The following SARM1 variants were observed in gnomAD, a reference collection of about 807,000 sequenced individuals.
SARM1 encodes the protein sterile alpha and TIR motif containing 1, also known as NAD(+) hydrolase SARM1.
A neutral mutation model predicts 65.1 loss-of-function variants in SARM1; 60 were observed. The ratio of observed to expected loss-of-function variants is 0.92; its 90% CI spans 0.75 to 1.14. The LOEUF (loss-of-function observed/expected upper bound fraction) is 1.14. SARM1 is among the 50% of genes most tolerant of loss of function. The probability of loss-of-function intolerance (pLI) is 0.00; values close to 1 mark genes in which losing one functional copy is unlikely to be tolerated. For missense variants in SARM1, 913 were observed against 1,015.7 expected (o/e 0.90, Z 1.37); for synonymous variants, 417 against 465.4 (o/e 0.90, Z 1.34).
chr17:28,387,272 G>A (rs1157058949), intron 5 of SARM1, among the ~76,000 whole-genome samples: 3 of 147,700 alleles, frequency 2.0e-5, no homozygotes, highest in East Asian at 2.0e-4. Flanking sequence ...TCACTCTGTC[G>A]CCCAGGCTAG....
At position 28,384,993 on chromosome 17, in the gene SARM1, G is replaced by A. The variant is rs1555585780; in HGVS notation, c.1395-47G>A. On this transcript the variant is annotated intron_variant, in intron 4 of 8. Coordinates refer to ENST00000585482, the MANE Select transcript of SARM1 (RefSeq NM_015077.4). The surrounding 1 kb of genome is among the most constrained non-coding windows in gnomAD (Gnocchi z 4.4). ...TAAATAAGCTCCCCCTCCGCCCACA[G>A]CCCGTCCGAGTCTGGACCTCAGCGT... 1.9e-6 allele frequency: 3 copies of A among 1,606,642 alleles called. No homozygotes were observed. Among genetic ancestry groups the A allele is most frequent in the Non-Finnish European group, 2.6e-6 (3 of 1,175,762 alleles).
In SARM1 at chr17:28,388,486, G is replaced by T. The variant is rs141324431; in HGVS notation, c.1870G>T (p.Gly624Ter). The T allele has an allele frequency of 7.6e-5, 122 of 1,613,962 alleles. 1 individual carries two copies. The highest frequency in any genetic ancestry group is 9.6e-5 in the Non-Finnish European group (113 of 1,179,896). ...ARNFVLVLSP[G>*]ALDKCMQDHD... ...CAACTTTGTGTTGGTGCTATCACCT[G>T]GAGCACTGGACAAGTGCATGCAAGA... Residue 624 changes from glycine to a stop codon, truncating the protein, a stop_gained, in exon 7 of 9, where the codon GGA (glycine) becomes TGA (stop). Transcript: ENST00000585482. LOFTEE classifies it high-confidence loss of function.
chr17:28,396,017 A>C lies in SARM1; in HGVS notation c.2036A>C (p.Asn679Thr). Residue 679 changes from asparagine (N) to threonine (T), a missense_variant, in exon 8 of 9, where the codon AAC becomes ACC. Around this residue, in one of 3 missense-constraint regions of SARM1, gnomAD observed 862 missense variants for 952.1 expected, o/e 0.91. Transcript: ENST00000585482. ...PEDMQAVLTF[N>T]GIKWSHEYQE... ...GACATGCAGGCTGTGCTTACTTTCA[A>C]CGGTATCAAGTGAGCCCCAGGGCCC... 3.1e-6 allele frequency: 5 copies of C among 1,613,726 alleles called. No homozygotes were observed. Among genetic ancestry groups the C allele is most frequent in the Non-Finnish European group, 4.2e-6 (5 of 1,179,796 alleles).
rs1555589111 is a variant in SARM1, at chr17:28,399,721, A to G, written c.*3435A>G. On this transcript the variant is annotated 3_prime_UTR_variant, in exon 9 of 9. Coordinates refer to ENST00000585482, the MANE Select transcript of SARM1 (RefSeq NM_015077.4). ...TCAGCCTTTTCCAGCATCCTGTGAGAGACCAGAGAGAGAGTTTGGATTTCA... is the reference window on the plus strand; with the variant it reads ...TCAGCCTTTTCCAGCATCCTGTGAGGGACCAGAGAGAGAGTTTGGATTTCA... The G allele has an allele frequency of 6.2e-7, 1 of 1,613,846 alleles. No homozygotes were observed. The highest frequency in any genetic ancestry group is 1.1e-5 in the South Asian group (1 of 91,062).
intron 5 of SARM1, 200 bp from the exon 6 acceptor site, chr17:28,387,974 C>T: frequency 1.7e-6 from 1 of 602,652 alleles, no homozygotes; most frequent in South Asian, 1.9e-5. Context: ...GAACACAGTG[C>T]CTGCCTCCTA....
chr17:28,402,189 G>A lies in SARM1; in HGVS notation c.*5903G>A, dbSNP rs2068203830. The stretch of plus-strand genomic sequence containing the variant: ...CATGGCTGCCCATCAGCCCGTTTCG[G>A]GCAGCACTGGACATGAGGAACCAGA... On this transcript the variant is annotated 3_prime_UTR_variant, in exon 9 of 9. Transcript: ENST00000585482. The A allele has an allele frequency of 2.6e-6, 4 of 1,534,260 alleles. No homozygotes were observed. Among genetic ancestry groups the A allele is most frequent in the Non-Finnish European group, 3.6e-6 (4 of 1,121,842 alleles).
intron 1 of SARM1, among the ~76,000 whole-genome samples, chr17:28,380,437 A>G (rs1358723950): frequency 6.6e-6 from 1 of 152,108 alleles, no homozygotes; most frequent in African/African-American, 2.4e-5. Context: ...ACACGCCATT[A>G]CATCATCCTG....
chr17:28,382,799 G>A (rs1229381293), intron 2 of SARM1, among the ~76,000 whole-genome samples: 9 of 151,824 alleles, frequency 5.9e-5, no homozygotes, highest in African/African-American at 2.2e-4. Flanking sequence ...GATCCTCTCT[G>A]CCTCAGCCTC....
intron 2 of SARM1, among the ~76,000 whole-genome samples, chr17:28,382,725 T>C (rs186887514): frequency 1.1e-4 from 17 of 152,348 alleles, no homozygotes; most frequent in Non-Finnish European, 2.2e-4. Flanking sequence ...TTGTGGATTG[T>C]ACTTTTTGGA....
In SARM1 at chr17:28,400,605, A is replaced by G. The variant is rs370083652; in HGVS notation, c.*4319A>G. The G allele has an allele frequency of 2.7e-5, 43 of 1,613,526 alleles. No individual in the cohort carries two copies. Among genetic ancestry groups the G allele is most frequent in the Non-Finnish European group, 3.5e-5 (41 of 1,179,736 alleles). ...TATGAGCATGGGTTCAGGGCCCTGC[A>G]TTACCCAATCAGAACAGCCGGGATG... On this transcript the variant is annotated 3_prime_UTR_variant, in exon 9 of 9. Coordinates refer to ENST00000585482, the MANE Select transcript of SARM1 (RefSeq NM_015077.4).
chr17:28,400,326 T>C lies in SARM1; in HGVS notation c.*4040T>C. 9.3e-6 allele frequency: 4 copies of C among 428,108 alleles called. No individual in the cohort carries two copies. In the South Asian group the frequency reaches 9.8e-5, roughly 10 times the overall value. 26.5% of individuals were successfully genotyped at this position (428,108 alleles called of 1,614,324 possible). A position where few individuals can be genotyped will look rare whatever the true frequency, so the allele number is the denominator to read the frequency against. ...AGTTCTGCTGCCATAGTTCCATCTATAAAATGGGAATGGAGGGAAATAGGG... is the reference window on the plus strand; with the variant it reads ...AGTTCTGCTGCCATAGTTCCATCTACAAAATGGGAATGGAGGGAAATAGGG... On this transcript the variant is annotated 3_prime_UTR_variant, in exon 9 of 9. Transcript: ENST00000585482.
At position 28,372,628 on chromosome 17, in the gene SARM1, T is replaced by G; in HGVS notation, c.470+126T>G. The G allele has an allele frequency of 1.5e-6, 1 of 677,612 alleles. No homozygotes were observed. Among genetic ancestry groups the G allele is most frequent in the Non-Finnish European group, 2.4e-6 (1 of 424,254 alleles). 42.0% of individuals were successfully genotyped at this position (677,612 alleles called of 1,614,324 possible). On this transcript the variant is annotated intron_variant, in intron 1 of 8. Transcript: ENST00000585482. The surrounding 1 kb of genome is among the most constrained non-coding windows in gnomAD (Gnocchi z 5.2). Reference sequence around the variant, plus strand: ...TCTCTGACTGCCTGCACTACATCTCTGTTAGGGGTCAGCCTGTCTGTTTCA... The same window carrying G: ...TCTCTGACTGCCTGCACTACATCTCGGTTAGGGGTCAGCCTGTCTGTTTCA...
rs375690432 is a variant in SARM1 at position 28,381,741 on chromosome 17, A to G, written c.1009A>G (p.Asn337Asp). The stretch of plus-strand genomic sequence containing the variant: ...GCGCCTCGTGCCGTTGCTCGACTCT[A>G]ACCGCTTGGAGGCGCAGTGCATCGG... ...LQRLVPLLDSNRLEAQCIGAF... is the reference protein window; with the variant it reads ...LQRLVPLLDSDRLEAQCIGAF... The change falls in exon 2 of 9, where the codon AAC (asparagine) becomes GAC (aspartate). Residue 337 changes from asparagine to aspartate, a missense_variant. Asn to Asp is a conservative substitution (Grantham distance 23). Coordinates refer to ENST00000585482, the MANE Select transcript of SARM1 (RefSeq NM_015077.4). The G allele has an allele frequency of 2.5e-4, 388 of 1,523,534 alleles. 1 individual carries two copies. Among genetic ancestry groups the G allele is most frequent in the Non-Finnish European group, 3.2e-4 (363 of 1,136,130 alleles). 94.4% of individuals were successfully genotyped at this position (1,523,534 alleles called of 1,614,324 possible).
At chr17:28,389,864 C>T (rs1254210664) in intron 7 of SARM1, among the ~76,000 whole-genome samples, 9 of 152,114 alleles carry the variant, frequency 5.9e-5, no homozygotes, top group Admixed American at 1.3e-4. Flanking sequence ...AGAGTGGGAC[C>T]CTGTCTCAAA....
rs1419335721 is a variant in SARM1 at position 28,385,133 on chromosome 17, G to A, written c.1488G>A (p.Pro496=). The A allele has an allele frequency of 1.9e-6, 3 of 1,613,454 alleles. No individual in the cohort carries two copies. The highest frequency in any genetic ancestry group is 2.2e-5 in the East Asian group (1 of 44,876). ...NLADWLGSLD[P]RFRQYTYGLV... ...CGGACTGGCTGGGCAGCCTGGACCCGCGCTTCCGCCAGTACACCTACGGCC... is the reference window on the plus strand; with the variant it reads ...CGGACTGGCTGGGCAGCCTGGACCCACGCTTCCGCCAGTACACCTACGGCC... The change falls in exon 5 of 9, where the codon CCG becomes CCA. Residue 496 remains proline (P), a synonymous_variant. Coordinates refer to ENST00000585482, the MANE Select transcript of SARM1 (RefSeq NM_015077.4). This position sits in a 1 kb window ranked among gnomAD's most constrained non-coding sequence, Gnocchi z 4.5.
chr17:28,396,971 C>T lies in SARM1; in HGVS notation c.*685C>T, dbSNP rs1331794138. 3 of 152,442 alleles carry T rather than the reference C, an allele frequency of 2.0e-5. No individual in the cohort carries two copies. Among genetic ancestry groups the T allele is most frequent in the African/African-American group, 7.2e-5 (3 of 41,462 alleles). The allele number at this position is 152,442 out of a possible 1,614,324, so 9.4% of individuals were successfully genotyped here. A position where few individuals can be genotyped will look rare whatever the true frequency, so the allele number is the denominator to read the frequency against. On this transcript the variant is annotated 3_prime_UTR_variant, in exon 9 of 9. Transcript: ENST00000585482. ...CTTGTCACTGCAGCCAGCTTTGCTG[C>T]ACTTGCTGGTGCACAGGAGCCTCCT...
rs2068200770 is a variant in SARM1 at position 28,401,900 on chromosome 17, G to C, written c.*5614G>C. ...GTTCACTTCTGGGCTTGTACACGCT[G>C]ACCCCAGAGAAACAGGGAACTCTGG... On this transcript the variant is annotated 3_prime_UTR_variant, in exon 9 of 9. Coordinates refer to ENST00000585482, the MANE Select transcript of SARM1 (RefSeq NM_015077.4). 1 of 190,568 alleles carries C rather than the reference G, an allele frequency of 5.2e-6. No individual in the cohort carries two copies. Among genetic ancestry groups the C allele is most frequent in the African/African-American group, 2.3e-5 (1 of 42,834 alleles). 11.8% of individuals were successfully genotyped at this position (190,568 alleles called of 1,614,324 possible). A position where few individuals can be genotyped will look rare whatever the true frequency, so the allele number is the denominator to read the frequency against.
At position 28,402,418 on chromosome 17, in the gene SARM1, T is replaced by G; in HGVS notation, c.*6132T>G. Reference sequence around the variant, plus strand: ...CTCCTATCCATACCCCACGTGGGGCTTAGGTTAGACCCAGGAAGAACTTCC... The same window carrying G: ...CTCCTATCCATACCCCACGTGGGGCGTAGGTTAGACCCAGGAAGAACTTCC... On this transcript the variant is annotated 3_prime_UTR_variant, in exon 9 of 9. Coordinates refer to ENST00000585482, the MANE Select transcript of SARM1 (RefSeq NM_015077.4). 1 of 1,012,054 alleles carries G rather than the reference T, an allele frequency of 9.9e-7. No homozygotes were observed. Among genetic ancestry groups the G allele is most frequent in the African/African-American group, 1.6e-5 (1 of 62,912 alleles). 62.7% of individuals were successfully genotyped at this position (1,012,054 alleles called of 1,614,324 possible). A position where few individuals can be genotyped will look rare whatever the true frequency, so the allele number is the denominator to read the frequency against.
chr17:28,393,240 T>C (rs569770202), intron 7 of SARM1, among the ~76,000 whole-genome samples: 1 of 152,270 alleles, frequency 6.6e-6, no homozygotes, highest in South Asian at 2.1e-4. Flanking sequence ...CTATCATTAA[T>C]CCTGCTTTAT....
Sources: gnomAD v4.1 joint callset for allele counts (sites outside exome capture counted in the v4.1 genomes callset) on GRCh38, gnomAD v4.1.1 for gene constraint, gnomAD v4.1.1 regional missense constraint, Gnocchi (gnomAD v3.1) non-coding constraint, MANE v1.5 for transcripts, NCBI Gene and HGNC (gene_info 2026-07-23, HGNC 2026-07-21) for gene names.